The following TTC21A variants were observed in gnomAD, a reference collection of about 807,000 sequenced individuals.
The protein encoded by TTC21A is tetratricopeptide repeat protein 21A.
TTC21A carries 128 observed loss-of-function variants against 156.4 expected under a neutral mutation model. That is an observed-to-expected ratio of 0.82 (90% CI 0.71 to 0.95). The LOEUF (loss-of-function observed/expected upper bound fraction) is 0.95, where lower values mean the gene tolerates loss of function less well. Among genes scored for constraint, TTC21A ranks in the 40% least tolerant of loss-of-function variants. The pLI is 0.00. For synonymous variants in TTC21A, 587 were observed against 617.1 expected (o/e 0.95, Z 0.72); for missense variants, 1,435 against 1,602.3 (o/e 0.90, Z 1.78).
At chr3:39,136,006 C>G (rs192204865) in intron 22 of TTC21A, among the ~76,000 whole-genome samples, 32 of 150,232 alleles carry the variant, frequency 2.1e-4, no homozygotes, top group Non-Finnish European at 3.4e-4. Flanking sequence ...TGCAGTGAGC[C>G]GAGATCACGC....
rs1185510602 is a variant in TTC21A, at chr3:39,114,794, C to T, written c.716+52C>T. The T allele has an allele frequency of 3.7e-6, 6 of 1,600,624 alleles. No homozygotes were observed. In the South Asian group the frequency reaches 5.5e-5, roughly 15 times the overall value. On this transcript the variant is annotated intron_variant, in intron 6 of 28. Transcript: ENST00000683103. Reference sequence around the variant, plus strand: ...AAGGGTGGTAACAGGTATTTACCATCTTATAAGCTGGGGAGGCAGGAGAAC... The same window carrying T: ...AAGGGTGGTAACAGGTATTTACCATTTTATAAGCTGGGGAGGCAGGAGAAC...
In TTC21A at chr3:39,131,717, G is replaced by C. The variant is rs184335280; in HGVS notation, c.2562+622G>C. ...CAGTGCAGGGCATCACATGGTGGGCGGGGGGTGCCGAGCATGCTAACATGC... is the reference window on the plus strand; with the variant it reads ...CAGTGCAGGGCATCACATGGTGGGCCGGGGGTGCCGAGCATGCTAACATGC... On this transcript the variant is annotated intron_variant, in intron 19 of 28. Coordinates refer to ENST00000683103, the MANE Select transcript of TTC21A (RefSeq NM_001366900.1). The C allele has an allele frequency of 4.6e-5, 7 of 152,150 alleles. No individual in the cohort carries two copies. In the East Asian group the frequency reaches 1.4e-3, roughly 30 times the overall value. The allele number at this position is 152,150 out of a possible 1,614,324, so 9.4% of individuals were successfully genotyped here. A position where few individuals can be genotyped will look rare whatever the true frequency, so the allele number is the denominator to read the frequency against.
chr3:39,121,009 C>A lies in TTC21A; in HGVS notation c.913C>A (p.Gln305Lys), dbSNP rs563644994. ...IVVSRLCGSH[Q>K]VILGLVCSFI... ...CTGTTTCTTGCAGTGTGGGAGTCAC[C>A]AGGTGATTCTAGGGCTAGTGTGTAG... The change falls in exon 9 of 29, where the codon CAG becomes AAG. Residue 305 changes from glutamine to lysine, a missense_variant. By Grantham distance (53) the Gln-to-Lys change is moderately conservative (BLOSUM62 1). Coordinates refer to ENST00000683103, the MANE Select transcript of TTC21A (RefSeq NM_001366900.1). The A allele has an allele frequency of 1.2e-6, 2 of 1,607,414 alleles. No individual in the cohort carries two copies. Among genetic ancestry groups the A allele is most frequent in the African/African-American group, 2.7e-5 (2 of 74,896 alleles).
chr3:39,118,890 T>G (rs774724380), intron 7 of TTC21A: 1 of 152,340 alleles, frequency 6.6e-6, no homozygotes, highest in Non-Finnish European at 1.5e-5. Context: ...TTCTGGTTTC[T>G]TCTGCACAGC....
intron 4 of TTC21A, 52 bp from the exon 5 acceptor site, chr3:39,112,406 T>C (rs1211269228): frequency 6.3e-7 from 1 of 1,599,456 alleles, no homozygotes; most frequent in Non-Finnish European, 8.6e-7. Flanking sequence ...GCAGGCTGAG[T>C]TGATTCTGTG....
In TTC21A at chr3:39,114,682, T is replaced by C; in HGVS notation, c.656T>C (p.Leu219Pro). Reference protein sequence around the residue: ...TSGSFLPALVLKMQLFLARQD... With the variant: ...TSGSFLPALVPKMQLFLARQD... ...GGGAGCTTCCTGCCAGCCCTCGTCCTGAAGATGCAGCTGTTCTTAGCTCGG... is the reference window on the plus strand; with the variant it reads ...GGGAGCTTCCTGCCAGCCCTCGTCCCGAAGATGCAGCTGTTCTTAGCTCGG... The change falls in exon 6 of 29, where the codon CTG (leucine) becomes CCG (proline). Residue 219 changes from leucine (L) to proline (P), a missense_variant. Physicochemically the swap from Leu to Pro is moderately conservative, Grantham distance 98. Coordinates refer to ENST00000683103, the MANE Select transcript of TTC21A (RefSeq NM_001366900.1). 1 of 1,614,238 alleles carries C rather than the reference T, an allele frequency of 6.2e-7. No individual in the cohort carries two copies. The highest frequency in any genetic ancestry group is 1.1e-5 in the South Asian group (1 of 91,086).
At chr3:39,116,476 G>GCC (rs5848489) in intron 6 of TTC21A, among the ~76,000 whole-genome samples, 31,260 of 150,212 alleles carry the variant, frequency 0.21, 5,599 homozygotes, top group African/African-American at 0.49. Context: ...ATTAATTTCT[G>GCC]CCCCCCCCTT....
intron 23 of TTC21A, 76 bp downstream of exon 23, chr3:39,136,583 T>G: frequency 3.3e-6 from 5 of 1,528,372 alleles, no homozygotes; most frequent in Non-Finnish European, 4.4e-6. Context: ...GCCCTTGCTC[T>G]GCACAAAAGG....
chr3:39,136,476 G>C lies in TTC21A; in HGVS notation c.3064G>C (p.Gly1022Arg). 6.2e-7 allele frequency: 1 copy of C among 1,614,266 alleles called. No individual in the cohort carries two copies. The highest frequency in any genetic ancestry group is 8.5e-7 in the Non-Finnish European group (1 of 1,180,038). Residue 1022 changes from glycine (G) to arginine (R), a missense_variant, in exon 23 of 29, where the codon GGG becomes CGG. Coordinates refer to ENST00000683103, the MANE Select transcript of TTC21A (RefSeq NM_001366900.1). The part of the protein sequence containing the change: ...KVSSRVPLEP[G>R]FNYCRGIYCW... ...GTCTAGCCGGGTGCCTTTGGAACCA[G>C]GGTTCAATTACTGCAGAGGTATCTA... is the stretch of plus-strand genomic sequence containing the variant.
chr3:39,117,066 A>G (rs781771514), intron 6 of TTC21A, among the ~76,000 whole-genome samples: 1 of 152,204 alleles, frequency 6.6e-6, no homozygotes, highest in Non-Finnish European at 1.5e-5. Flanking sequence ...ACTTTGGAAT[A>G]TAAGCATTGA....
intron 5 of TTC21A, among the ~76,000 whole-genome samples, chr3:39,114,175 C>A (rs571818423): frequency 3.7e-4 from 57 of 152,328 alleles, no homozygotes; most frequent in Non-Finnish European, 7.5e-4. Context: ...AATTGCTAAA[C>A]TGGGCCTTGG....
chr3:39,117,872 A>G (rs553922693), intron 6 of TTC21A, among the ~76,000 whole-genome samples, 197 bp from the exon 7 acceptor site: 1 of 152,344 alleles, frequency 6.6e-6, no homozygotes, highest in East Asian at 1.9e-4. Context: ...CCTTTGTCAC[A>G]TGGCCAAATG....
At chr3:39,131,133 C>G in intron 19 of TTC21A, 38 bp downstream of exon 19, 1 of 1,530,378 alleles carries the variant, frequency 6.5e-7, no homozygotes, top group Non-Finnish European at 8.9e-7. Context: ...TATCTGCCAT[C>G]TGCTGATGGG....
intron 9 of TTC21A, among the ~76,000 whole-genome samples, chr3:39,123,760 C>T (rs2037968637): frequency 6.6e-6 from 1 of 151,520 alleles, no homozygotes; most frequent in African/African-American, 2.4e-5. Context: ...TGACAAGGTA[C>T]TGTAAAAATA....
chr3:39,112,638 G>A, intron 5 of TTC21A, 58 bp downstream of exon 5: 2 of 1,598,328 alleles, frequency 1.3e-6, no homozygotes, highest in Non-Finnish European at 8.5e-7. Context: ...TGGAACCAGA[G>A]ACCCACCAGG....
Position 39,133,170 on chromosome 3 carries a change from C to T in TTC21A, c.2681C>T (p.Ala894Val), listed in dbSNP as rs2038861928. 4 of 1,614,214 alleles carry T rather than the reference C, an allele frequency of 2.5e-6. No homozygotes were observed. Among genetic ancestry groups the T allele is most frequent in the Non-Finnish European group, 3.4e-6 (4 of 1,180,036 alleles). Residue 894 changes from alanine to valine, a missense_variant, in exon 20 of 29, where the codon GCA becomes GTA. Transcript: ENST00000683103. ...ATCCAATTTGCAGAGCACTACCTGG[C>T]AGAGAAAGAGTATGACAAGGCGGTA... is the stretch of plus-strand genomic sequence containing the variant. ...ICIQFAEHYL[A>V]EKEYDKAVQS...
At chr3:39,114,442 A>G (rs1422512067) in intron 5 of TTC21A, 143 bp from the exon 6 acceptor site, 6 of 749,028 alleles carry the variant, frequency 8.0e-6, no homozygotes, top group Non-Finnish European at 1.4e-5. Flanking sequence ...TTGAGGGGCT[A>G]CTGGCCCAGC....
Position 39,130,075 on chromosome 3 carries a change from G to C in TTC21A, c.2136-4G>C. The C allele has an allele frequency of 1.9e-6, 3 of 1,614,112 alleles. No individual in the cohort carries two copies. The highest frequency in any genetic ancestry group is 2.5e-6 in the Non-Finnish European group (3 of 1,180,006). The stretch of plus-strand genomic sequence containing the variant: ...GATAAGCTTTTGGTTACTCTTGCTT[G>C]CAGTGAGCTCTGTGAACATCTGCCT... On this transcript the variant is annotated splice_polypyrimidine_tract_variant and splice_region_variant and intron_variant, in intron 15 of 28. Coordinates refer to ENST00000683103, the MANE Select transcript of TTC21A (RefSeq NM_001366900.1). This position sits in a 1 kb window ranked among gnomAD's most constrained non-coding sequence, Gnocchi z 4.5.
chr3:39,115,566 T>C (rs974623110), intron 6 of TTC21A, among the ~76,000 whole-genome samples: 1 of 152,054 alleles, frequency 6.6e-6, no homozygotes, highest in Admixed American at 6.6e-5. Context: ...CTAGGGAGGC[T>C]GAGGCAGGAG....
Sources: gnomAD v4.1 joint callset for allele counts (sites outside exome capture counted in the v4.1 genomes callset) on GRCh38, gnomAD v4.1.1 for gene constraint, Gnocchi (gnomAD v3.1) non-coding constraint, MANE v1.5 for transcripts, NCBI Gene and HGNC (gene_info 2026-07-23, HGNC 2026-07-21) for gene names.